The following KCNK9 variants were observed in gnomAD, a reference collection of about 807,000 sequenced individuals.
KCNK9 encodes potassium channel subfamily K member 9.
A neutral mutation model predicts 10.8 loss-of-function variants in KCNK9; 1 was observed. The observed-to-expected ratio is 0.09, with a 90% CI of 0.03 to 0.44. The LOEUF is 0.44. Among genes scored for constraint, KCNK9 ranks in the 20% least tolerant of loss-of-function variants. The pLI is 0.97. For synonymous variants in KCNK9, 231 were observed against 222.7 expected (o/e 1.04, Z -0.33); for missense variants, 303 against 515.0 (o/e 0.59, Z 3.98).
At chr8:139,629,811 A>T (rs530214895) in intron 1 of KCNK9, among the ~76,000 whole-genome samples, 39 of 152,166 alleles carry the variant, frequency 2.6e-4, no homozygotes, top group Non-Finnish European at 5.3e-4. Flanking sequence ...CCTAAACCTG[A>T]TGGATGAGGG....
downstream of KCNK9, among the ~76,000 whole-genome samples, chr8:139,608,841 G>A (rs555267440): frequency 5.3e-4 from 81 of 152,320 alleles, no homozygotes; most frequent in South Asian, 1.9e-3. Context: ...TCATCTGAAC[G>A]TGGCTCTTGG....
At chr8:139,624,732 C>T (rs911078108) in intron 1 of KCNK9, among the ~76,000 whole-genome samples, 20 of 152,200 alleles carry the variant, frequency 1.3e-4, no homozygotes, top group African/African-American at 4.8e-4. Flanking sequence ...GAAGCCAGCC[C>T]TAGAAGAGAA....
chr8:139,634,331 C>T lies in KCNK9; in HGVS notation c.284-15232G>A, dbSNP rs535367900. Reference sequence around the variant, plus strand: ...GGAATATGGCTCAGGGAGGCCTAACCTACCCCTCATGGGAAAGGCAGGCAT... The same window carrying T: ...GGAATATGGCTCAGGGAGGCCTAACTTACCCCTCATGGGAAAGGCAGGCAT... On this transcript the variant is annotated intron_variant, in intron 1 of 1. Coordinates refer to ENST00000520439, the MANE Select transcript of KCNK9 (RefSeq NM_001282534.2). 5.4e-4 allele frequency among the ~76,000 whole-genome samples: 82 copies of T among 152,314 alleles called. No individual in the cohort carries two copies. In the Middle Eastern group the frequency reaches 0.01, roughly 19 times the overall value.
At chr8:139,684,190 T>C (rs555279840) in intron 1 of KCNK9, among the ~76,000 whole-genome samples, 7 of 152,192 alleles carry the variant, frequency 4.6e-5, no homozygotes, top group Admixed American at 1.3e-4. Context: ...CCACATTTCA[T>C]TGTAGTCCTC....
At chr8:139,615,192 G>T (rs1168167283), downstream of KCNK9, among the ~76,000 whole-genome samples, 1 of 152,186 alleles carries the variant, frequency 6.6e-6, no homozygotes, top group African/African-American at 2.4e-5. Context: ...CCAGGAACAT[G>T]GTAGAGAAAT....
At chr8:139,603,384 G>C (rs1817415303) in intron 2 of KCNK9, among the ~76,000 whole-genome samples, 2 of 152,188 alleles carry the variant, frequency 1.3e-5, no homozygotes. Flanking sequence ...TCTCATTAGG[G>C]AGCAAAAGGA....
At chr8:139,644,685 C>T (rs958527611) in intron 1 of KCNK9, among the ~76,000 whole-genome samples, 2 of 151,490 alleles carry the variant, frequency 1.3e-5, no homozygotes, top group Non-Finnish European at 2.9e-5. Flanking sequence ...CCAGACCAGA[C>T]AGCCTGCTCC....
At chr8:139,666,421 G>T (rs777247484) in intron 1 of KCNK9, among the ~76,000 whole-genome samples, 8 of 152,226 alleles carry the variant, frequency 5.3e-5, no homozygotes, top group Non-Finnish European at 8.8e-5. Context: ...GAGCCTCTCG[G>T]GTTTAAATGA....
intron 1 of KCNK9, among the ~76,000 whole-genome samples, chr8:139,672,316 T>C (rs551618852): frequency 1.3e-5 from 2 of 152,276 alleles, no homozygotes; most frequent in South Asian, 4.1e-4. Flanking sequence ...TGTGTCTAGT[T>C]GCCTCCCATC....
downstream of KCNK9, among the ~76,000 whole-genome samples, chr8:139,615,449 T>A (rs1009976491): frequency 6.6e-6 from 1 of 152,116 alleles, no homozygotes; most frequent in African/African-American, 2.4e-5. Context: ...CCCTCCCCAC[T>A]CTGAGACCAT....
intron 1 of KCNK9, among the ~76,000 whole-genome samples, chr8:139,701,478 T>C (rs1375495087): frequency 6.7e-6 from 1 of 148,454 alleles, no homozygotes; most frequent in Non-Finnish European, 1.5e-5. Context: ...CAAAGAAAAA[T>C]ATCAAGAGGG....
At chr8:139,610,541 A>C (rs183115376), downstream of KCNK9, among the ~76,000 whole-genome samples, 1 of 152,348 alleles carries the variant, frequency 6.6e-6, no homozygotes, top group Admixed American at 6.5e-5. Flanking sequence ...TCTTATCCAG[A>C]AAGATCCCCA....
chr8:139,674,868 T>C (rs1816514260), intron 1 of KCNK9, among the ~76,000 whole-genome samples: 1 of 152,074 alleles, frequency 6.6e-6, no homozygotes, highest in Admixed American at 6.5e-5. Context: ...AGAGGCCAAG[T>C]TCCCCTGGCC....
At chr8:139,662,144 C>T (rs1195082159) in intron 1 of KCNK9, among the ~76,000 whole-genome samples, 1 of 152,188 alleles carries the variant, frequency 6.6e-6, no homozygotes, top group Non-Finnish European at 1.5e-5. Context: ...GATCCTGTAG[C>T]CGCCCCATTC....
chr8:139,612,940 G>C (rs1004741052), downstream of KCNK9, among the ~76,000 whole-genome samples: 2 of 152,166 alleles, frequency 1.3e-5, no homozygotes, highest in African/African-American at 4.8e-5. Flanking sequence ...GTCCTATTTG[G>C]GGGAAGTCTG....
At position 139,618,978 on chromosome 8, in the gene KCNK9, G is replaced by A. The variant is rs558869834; in HGVS notation, c.405C>T (p.Phe135=). The A allele has an allele frequency of 5.0e-6, 8 of 1,614,210 alleles. No homozygotes were observed. Among genetic ancestry groups the A allele is most frequent in the South Asian group, 1.1e-5 (1 of 91,082 alleles). ...FQSLGERMNT[F]VRYLLKRIKK... ...TAATGCGCTTCAGCAGGTAGCGCAC[G>A]AAGGTGTTCATGCGCTCGCCCAGGC... Residue 135 remains phenylalanine (F), a synonymous_variant, in exon 2 of 2, where the codon TTC becomes TTT. Transcript: ENST00000520439. The surrounding 1 kb of genome is among the most constrained non-coding windows in gnomAD (Gnocchi z 7.9).
At chr8:139,659,364 C>G (rs187164857) in intron 1 of KCNK9, among the ~76,000 whole-genome samples, 1 of 152,230 alleles carries the variant, frequency 6.6e-6, no homozygotes, top group South Asian at 2.1e-4. Flanking sequence ...AGTTTCCCCT[C>G]TTGTCTTTGT....
intron 1 of KCNK9, among the ~76,000 whole-genome samples, chr8:139,690,048 G>A (rs1816905190): frequency 6.6e-6 from 1 of 152,230 alleles, no homozygotes; most frequent in Admixed American, 6.5e-5. Flanking sequence ...GCCTCAGACT[G>A]TGAACAGTAA....
At chr8:139,616,214 A>T (rs888286448), downstream of KCNK9, among the ~76,000 whole-genome samples, 10 of 152,200 alleles carry the variant, frequency 6.6e-5, no homozygotes, top group Non-Finnish European at 1.5e-4. Context: ...TCTGAAGCAT[A>T]AAGCATTCTG....
Sources: allele counts gnomAD v4.1 joint callset (sites outside exome capture counted in the v4.1 genomes callset), GRCh38; gene constraint gnomAD v4.1.1; non-coding constraint Gnocchi (gnomAD v3.1); transcripts MANE v1.5; gene names NCBI Gene and HGNC (gene_info 2026-07-23, HGNC 2026-07-21).